Variants in DACH2 observed in about 807,000 individuals in gnomAD.
DACH2 encodes dachshund family transcription factor 2.
Under a neutral mutation model 35.8 loss-of-function variants are expected in DACH2, and 17 were observed. The ratio of observed to expected loss-of-function variants is 0.48; its 90% CI spans 0.33 to 0.71. The LOEUF (loss-of-function observed/expected upper bound fraction) is 0.71. Ranked by LOEUF, DACH2 falls within the 30% of genes least tolerant of loss-of-function variation. The probability of loss-of-function intolerance (pLI) is 0.02; values close to 1 mark genes in which losing one functional copy is unlikely to be tolerated. For missense variants in DACH2, 469 were observed against 472.7 expected (o/e 0.99, Z 0.07); for synonymous variants, 195 against 177.3 (o/e 1.10, Z -0.79).
intron 1 of DACH2, among the ~76,000 whole-genome samples, chrX:86,217,198 T>C (rs1052023103): frequency 2.7e-5 from 3 of 110,223 alleles, no homozygotes; most frequent in African/African-American, 9.9e-5. Flanking sequence ...CAATAATGCA[T>C]AATAAAAGAA....
At chrX:86,211,088 T>A (rs2032434090) in intron 1 of DACH2, among the ~76,000 whole-genome samples, 1 of 111,622 alleles carries the variant, frequency 9.0e-6, no homozygotes, top group Admixed American at 9.6e-5. Flanking sequence ...TGAGGGTTTG[T>A]TCTGTTATTG....
intron 1 of DACH2, among the ~76,000 whole-genome samples, chrX:86,205,474 CTCCTTCCCTCCTTCCCTCCT>C (rs1294416653): frequency 2.3e-4 from 11 of 47,210 alleles, no homozygotes; most frequent in African/African-American, 1.7e-3. Flanking sequence ...CCCTCCTTCC[CTCCTTCCCTCCTTCCCTCCT>C]TCCTTCCTTC....
chrX:86,478,103 A>G (rs888539636), intron 2 of DACH2, among the ~76,000 whole-genome samples: 1 of 111,863 alleles, frequency 8.9e-6, no homozygotes, highest in East Asian at 2.8e-4. Context: ...TGATTGGTTC[A>G]TTATTGAGCC....
intron 7 of DACH2, among the ~76,000 whole-genome samples, chrX:86,797,024 T>G (rs1325720476): frequency 9.0e-6 from 1 of 111,469 alleles, no homozygotes; most frequent in Non-Finnish European, 1.9e-5. Context: ...GTAAACGTTA[T>G]TTGAATGTGG....
intron 1 of DACH2, chrX:86,304,646 T>A (rs1405421530): frequency 6.0e-6 from 1 of 166,675 alleles, no homozygotes; most frequent in Non-Finnish European, 1.3e-5. Context: ...TTTCAGAAGG[T>A]CTGGACAGCA....
chrX:86,208,699 C>T (rs752714808), intron 1 of DACH2, among the ~76,000 whole-genome samples: 4 of 111,455 alleles, frequency 3.6e-5, no homozygotes, highest in South Asian at 3.8e-4. Context: ...AAGGAACTCA[C>T]GGACTTGAAG....
chrX:86,414,345 G>C (rs1486328645), intron 2 of DACH2, among the ~76,000 whole-genome samples: 2 of 111,736 alleles, frequency 1.8e-5, no homozygotes, highest in South Asian at 3.7e-4. Context: ...AAGTCACACT[G>C]TTCTGATTTC....
chrX:86,776,216 A>G lies in DACH2; in HGVS notation c.1240+36334A>G, dbSNP rs189364597. ...CTTAAACAGCAAACTTTTTATTCTT[A>G]GAGTTCTAGAGGCTCAAGAGTCCAA... On this transcript the variant is annotated intron_variant, in intron 7 of 11. Coordinates refer to ENST00000373125, the MANE Select transcript of DACH2 (RefSeq NM_053281.3). 6.3e-5 allele frequency among the ~76,000 whole-genome samples: 7 copies of G among 111,849 alleles called. No homozygotes were observed. In the Admixed American group the frequency reaches 6.7e-4, roughly 11 times the overall value.
intron 2 of DACH2, among the ~76,000 whole-genome samples, chrX:86,479,460 T>G (rs2037902999): frequency 9.0e-6 from 1 of 111,524 alleles, no homozygotes; most frequent in Middle Eastern, 4.2e-3. Flanking sequence ...TAGTCTTTTT[T>G]GGGGTTAAAA....
chrX:86,744,866 A>C, intron 7 of DACH2, among the ~76,000 whole-genome samples: 1 of 111,563 alleles, frequency 9.0e-6, no homozygotes, highest in African/African-American at 3.2e-5. Flanking sequence ...TTTAACAGTC[A>C]GTTCTGGGAT....
At chrX:86,315,947 A>G (rs1042965901) in intron 1 of DACH2, among the ~76,000 whole-genome samples, 4 of 110,214 alleles carry the variant, frequency 3.6e-5, no homozygotes, top group African/African-American at 1.3e-4. Context: ...TAGTAAAAAT[A>G]TCAGGGATTT....
intron 3 of DACH2, among the ~76,000 whole-genome samples, chrX:86,578,170 C>T (rs969343096): frequency 9.0e-6 from 1 of 110,695 alleles, no homozygotes; most frequent in African/African-American, 3.3e-5. Flanking sequence ...GGATCTAATG[C>T]CATCTCCAGG....
intron 1 of DACH2, among the ~76,000 whole-genome samples, chrX:86,221,022 T>C (rs1164030046): frequency 1.8e-5 from 2 of 111,761 alleles, no homozygotes; most frequent in African/African-American, 3.3e-5. Flanking sequence ...CTTTTCACTC[T>C]GTTGATTGTT....
At chrX:86,484,845 T>A (rs1002765813) in intron 2 of DACH2, among the ~76,000 whole-genome samples, 1 of 112,383 alleles carries the variant, frequency 8.9e-6, no homozygotes, top group African/African-American at 3.2e-5. Flanking sequence ...ATATTTCAGA[T>A]ACTACCGTAT....
intron 3 of DACH2, among the ~76,000 whole-genome samples, chrX:86,631,034 C>T (rs895786067): frequency 3.6e-5 from 4 of 112,061 alleles, no homozygotes; most frequent in East Asian, 5.6e-4. Flanking sequence ...CATTCACTGA[C>T]GTGTAGCAAA....
intron 3 of DACH2, among the ~76,000 whole-genome samples, chrX:86,542,709 T>A (rs1261077696): frequency 1.8e-5 from 2 of 111,986 alleles, no homozygotes; most frequent in African/African-American, 6.5e-5. Flanking sequence ...ACCCTTCCAC[T>A]CAATAACACA....
At chrX:86,715,364 G>T (rs1403916591) in intron 6 of DACH2, among the ~76,000 whole-genome samples, 1 of 111,414 alleles carries the variant, frequency 9.0e-6, no homozygotes, top group Admixed American at 9.6e-5. Context: ...AAGTTTATGG[G>T]CATTGGATAA....
At chrX:86,403,642 A>G (rs745465760) in intron 2 of DACH2, among the ~76,000 whole-genome samples, 1 of 112,293 alleles carries the variant, frequency 8.9e-6, no homozygotes, top group East Asian at 2.8e-4. Flanking sequence ...AGATTTCTCA[A>G]AGAATTTAAA....
At chrX:86,579,496 G>T (rs1302310019) in intron 3 of DACH2, among the ~76,000 whole-genome samples, 1 of 110,424 alleles carries the variant, frequency 9.1e-6, no homozygotes, top group Non-Finnish European at 1.9e-5. Context: ...ATGCACTGTG[G>T]TACATCCATA....
Sources: gnomAD v4.1 joint callset for allele counts (sites outside exome capture counted in the v4.1 genomes callset) on GRCh38, gnomAD v4.1.1 for gene constraint, MANE v1.5 for transcripts, NCBI Gene and HGNC (gene_info 2026-07-23, HGNC 2026-07-21) for gene names.